TPST1: variants seen among roughly 807,000 people sequenced by gnomAD.
TPST1 encodes protein-tyrosine sulfotransferase 1.
Under a neutral mutation model 34.8 loss-of-function variants are expected in TPST1, and 20 were observed. The ratio of observed to expected loss-of-function variants is 0.57; its 90% CI spans 0.40 to 0.84. The LOEUF (loss-of-function observed/expected upper bound fraction) is 0.84. Among genes scored for constraint, TPST1 ranks in the 40% least tolerant of loss-of-function variants. The pLI, the probability that TPST1 is intolerant of heterozygous loss-of-function variation, is 0.00. For synonymous variants in TPST1, 152 were observed against 159.4 expected (o/e 0.95, Z 0.35); for missense variants, 353 against 455.5 (o/e 0.78, Z 2.05).
At chr7:66,286,222 GT>G (rs1249532932) in intron 2 of TPST1, among the ~76,000 whole-genome samples, 1 of 151,908 alleles carries the variant, frequency 6.6e-6, no homozygotes, top group Non-Finnish European at 1.5e-5. Flanking sequence ...TTTTGTTACT[GT>G]TTTTTTCCTG....
chr7:66,246,037 G>A (rs1448257545), intron 2 of TPST1, among the ~76,000 whole-genome samples: 1 of 151,790 alleles, frequency 6.6e-6, no homozygotes, highest in Non-Finnish European at 1.5e-5. Flanking sequence ...TGGAGACAGG[G>A]TCTTGCTCCA....
chr7:66,358,381 G>A (rs1441983757), intron 5 of TPST1, among the ~76,000 whole-genome samples: 5 of 146,790 alleles, frequency 3.4e-5, no homozygotes, highest in African/African-American at 1.3e-4. Context: ...GATGTATTGT[G>A]CATACTCCAT....
intron 3 of TPST1, among the ~76,000 whole-genome samples, chr7:66,311,980 G>A (rs1791541003): frequency 6.6e-6 from 1 of 152,144 alleles, no homozygotes; most frequent in African/African-American, 2.4e-5. Context: ...TCCTTTTGGG[G>A]CTAATGAGTT....
At chr7:66,318,011 T>C (rs1361628641) in intron 3 of TPST1, among the ~76,000 whole-genome samples, 1 of 151,986 alleles carries the variant, frequency 6.6e-6, no homozygotes, top group East Asian at 1.9e-4. Context: ...ATATAAAAAT[T>C]AGCCAGGCGG....
intron 3 of TPST1, among the ~76,000 whole-genome samples, chr7:66,349,848 T>G (rs1792436737): frequency 6.6e-6 from 1 of 151,878 alleles, no homozygotes; most frequent in East Asian, 1.9e-4. Context: ...AATAAAACAT[T>G]CTAGTAGCTT....
intron 2 of TPST1, among the ~76,000 whole-genome samples, chr7:66,266,542 A>G (rs1267419728): frequency 6.6e-6 from 1 of 152,284 alleles, no homozygotes; most frequent in Non-Finnish European, 1.5e-5. Flanking sequence ...AAGAAGTTAT[A>G]CACTTTAAAA....
chr7:66,340,513 G>A (rs573256372), intron 3 of TPST1, among the ~76,000 whole-genome samples: 2 of 152,122 alleles, frequency 1.3e-5, no homozygotes, highest in African/African-American at 4.8e-5. Context: ...TCCAAAAACT[G>A]CTAGAACTGA....
chr7:66,238,110 T>C (rs900343713), intron 1 of TPST1, among the ~76,000 whole-genome samples: 1 of 152,208 alleles, frequency 6.6e-6, no homozygotes, highest in Admixed American at 6.5e-5. Flanking sequence ...CCTGAAGCCC[T>C]TCTTCTGGAG....
chr7:66,200,719 C>A (rs927982096), upstream of TPST1, among the ~76,000 whole-genome samples: 1 of 151,652 alleles, frequency 6.6e-6, no homozygotes, highest in Non-Finnish European at 1.5e-5. Context: ...CGCGCCCGAC[C>A]GAGGTTATCT....
intron 3 of TPST1, among the ~76,000 whole-genome samples, chr7:66,306,209 C>T (rs572006887): frequency 2.0e-5 from 3 of 152,278 alleles, no homozygotes; most frequent in East Asian, 3.9e-4. Flanking sequence ...CTTTATAATA[C>T]TCTTGTGAAT....
chr7:66,280,378 G>T (rs781492841), intron 2 of TPST1, among the ~76,000 whole-genome samples: 2 of 152,186 alleles, frequency 1.3e-5, no homozygotes, highest in Non-Finnish European at 2.9e-5. Context: ...TCAAGTTTTC[G>T]TGGCTATTGT....
chr7:66,301,674 G>A (rs755440855), intron 3 of TPST1, among the ~76,000 whole-genome samples: 1 of 152,112 alleles, frequency 6.6e-6, no homozygotes, highest in African/African-American at 2.4e-5. Context: ...AGAGAGATGG[G>A]GGAACAAACA....
chr7:66,211,993 A>G (rs1789273114), intron 1 of TPST1, among the ~76,000 whole-genome samples: 1 of 152,156 alleles, frequency 6.6e-6, no homozygotes, highest in Non-Finnish European at 1.5e-5. Flanking sequence ...AAACCCCGAA[A>G]CAATCTTTAT....
At chr7:66,338,619 A>G (rs1290943478) in intron 3 of TPST1, among the ~76,000 whole-genome samples, 1 of 152,194 alleles carries the variant, frequency 6.6e-6, no homozygotes, top group Non-Finnish European at 1.5e-5. Context: ...TTGAAATTAT[A>G]TTTATCTTGT....
At position 66,359,901 on chromosome 7, in the gene TPST1, T is replaced by C. The variant is rs1405351810; in HGVS notation, c.*36T>C. On this transcript the variant is annotated 3_prime_UTR_variant, in exon 6 of 6. Transcript: ENST00000304842. ...TTCTGTTTGTTCGCCCTAGGAAAGA[T>C]TGCTGCCTTTTCAGCAGAAGGGAAA... is the stretch of plus-strand genomic sequence containing the variant. 1 of 456,666 alleles carries C rather than the reference T, an allele frequency of 2.2e-6. No individual in the cohort carries two copies. The highest frequency in any genetic ancestry group is 2.3e-5 in the Admixed American group (1 of 42,578). 28.3% of individuals were successfully genotyped at this position (456,666 alleles called of 1,614,324 possible).
At chr7:66,328,702 G>A (rs1298880811) in intron 3 of TPST1, among the ~76,000 whole-genome samples, 1 of 150,598 alleles carries the variant, frequency 6.6e-6, no homozygotes, top group Non-Finnish European at 1.5e-5. Context: ...ATGCCACAAC[G>A]CCTGGCTAAT....
At chr7:66,269,475 A>T (rs1790655351) in intron 2 of TPST1, among the ~76,000 whole-genome samples, 1 of 152,262 alleles carries the variant, frequency 6.6e-6, no homozygotes, top group Non-Finnish European at 1.5e-5. Context: ...AATGTACTAC[A>T]TCAATAAATT....
At chr7:66,260,828 G>A (rs1289015191) in intron 2 of TPST1, among the ~76,000 whole-genome samples, 2 of 152,140 alleles carry the variant, frequency 1.3e-5, no homozygotes, top group African/African-American at 4.8e-5. Context: ...ACTGAGTCAA[G>A]ACCTGGCTGA....
chr7:66,346,248 T>C (rs1440819573), intron 3 of TPST1, among the ~76,000 whole-genome samples: 4 of 152,108 alleles, frequency 2.6e-5, no homozygotes, highest in Non-Finnish European at 5.9e-5. Context: ...CTTAGATTGA[T>C]CCCAAATCTT....
Sources: gnomAD v4.1 joint callset for allele counts (sites outside exome capture counted in the v4.1 genomes callset) on GRCh38, gnomAD v4.1.1 for gene constraint, MANE v1.5 for transcripts, NCBI Gene and HGNC (gene_info 2026-07-23, HGNC 2026-07-21) for gene names.